Variants in NEGR1 observed in about 807,000 individuals in gnomAD.
NEGR1 encodes the protein IgLON family member 4.
Under a neutral mutation model 40.9 loss-of-function variants are expected in NEGR1, and 10 were observed. That is an observed-to-expected ratio of 0.24 (90% CI 0.15 to 0.42). NEGR1 has a LOEUF of 0.42. Among genes scored for constraint, NEGR1 ranks in the 10% least tolerant of loss-of-function variants. NEGR1 has a pLI of 1.00. For synonymous variants in NEGR1, 185 were observed against 166.8 expected, an observed-to-expected ratio of 1.11 and a Z score of -0.84; for missense variants, 352 against 438.9, an observed-to-expected ratio of 0.80 and a Z score of 1.77.
At chr1:72,102,213 T>C (rs1174439513) in intron 1 of NEGR1, among the ~76,000 whole-genome samples, 1 of 152,090 alleles carries the variant, frequency 6.6e-6, no homozygotes, top group Non-Finnish European at 1.5e-5. Context: ...TTTATTTGTA[T>C]GATGAAAAAA....
intron 6 of NEGR1, among the ~76,000 whole-genome samples, chr1:71,557,415 A>G (rs1334471697): frequency 6.6e-6 from 1 of 151,650 alleles, no homozygotes; most frequent in Non-Finnish European, 1.5e-5. Flanking sequence ...TGTCAACTTT[A>G]GAGTGCTTTG....
chr1:71,614,198 C>T (rs577030501), intron 4 of NEGR1, among the ~76,000 whole-genome samples: 1 of 151,658 alleles, frequency 6.6e-6, no homozygotes, highest in South Asian at 2.1e-4. Flanking sequence ...AAAATGTTTG[C>T]ATGAGAACTG....
At chr1:71,469,911 C>A (rs1646770739) in intron 6 of NEGR1, among the ~76,000 whole-genome samples, 1 of 151,936 alleles carries the variant, frequency 6.6e-6, no homozygotes, top group Non-Finnish European at 1.5e-5. Flanking sequence ...TAATATAACC[C>A]AACAAAGAGC....
intron 3 of NEGR1, among the ~76,000 whole-genome samples, chr1:71,704,625 A>T (rs1653824079): frequency 6.6e-6 from 1 of 151,862 alleles, no homozygotes. Context: ...TAGTATATGC[A>T]ATTGCAAGAA....
At chr1:72,087,956 T>C (rs1476093685) in intron 1 of NEGR1, among the ~76,000 whole-genome samples, 1 of 152,074 alleles carries the variant, frequency 6.6e-6, no homozygotes, top group Non-Finnish European at 1.5e-5. Flanking sequence ...AATGGCACAC[T>C]GAAAAGAAAC....
chr1:71,570,759 C>T (rs1411960701), intron 6 of NEGR1, among the ~76,000 whole-genome samples: 1 of 151,996 alleles, frequency 6.6e-6, no homozygotes, highest in Non-Finnish European at 1.5e-5. Context: ...TAAATTTGTT[C>T]AAACAAGTCA....
chr1:72,217,746 G>T (rs570946403), intron 1 of NEGR1, among the ~76,000 whole-genome samples: 2 of 151,764 alleles, frequency 1.3e-5, no homozygotes, highest in Non-Finnish European at 2.9e-5. Flanking sequence ...CCTAACAGTG[G>T]AAGTAAATGA....
intron 2 of NEGR1, among the ~76,000 whole-genome samples, chr1:71,874,028 C>A (rs1660356541): frequency 6.6e-6 from 1 of 152,154 alleles, no homozygotes; most frequent in Admixed American, 6.6e-5. Context: ...TTGCTATTTT[C>A]TACAAACAGT....
chr1:71,588,570 CA>C lies in NEGR1; in HGVS notation c.940+4246del, dbSNP rs1286268832. Among the ~76,000 whole-genome samples the C allele has an allele frequency of 5.9e-5, 9 of 152,178 alleles. No homozygotes were observed. In the East Asian group the frequency reaches 1.7e-3, roughly 29 times the overall value. On this transcript the variant is annotated intron_variant, in intron 6 of 6. Coordinates refer to ENST00000357731, the MANE Select transcript of NEGR1 (RefSeq NM_173808.3). ...TTTGCTTTCTCTTTATTTTAGAAAA[CA>C]TACATTTTTACCTTAAGTAATTTAA...
chr1:71,842,155 CT>C (rs1467890823), intron 2 of NEGR1, among the ~76,000 whole-genome samples: 6 of 152,056 alleles, frequency 3.9e-5, no homozygotes, highest in Admixed American at 1.3e-4. Context: ...ATATTCTGTC[CT>C]TTTATTTCCT....
At chr1:71,426,838 CT>C in intron 6 of NEGR1, among the ~76,000 whole-genome samples, 1 of 152,160 alleles carries the variant, frequency 6.6e-6, no homozygotes, top group Admixed American at 6.5e-5. Context: ...AAAACATCAC[CT>C]TTTAACTTAT....
intron 1 of NEGR1, among the ~76,000 whole-genome samples, chr1:72,218,933 T>G (rs1274680342): frequency 6.6e-6 from 1 of 152,068 alleles, no homozygotes; most frequent in African/African-American, 2.4e-5. Context: ...TAATGACCAC[T>G]GAATTCACAA....
At chr1:71,688,367 G>GATATATATATATAAAAAATATAAAAA (rs1491505759) in intron 4 of NEGR1, among the ~76,000 whole-genome samples, 1 of 28,222 alleles carries the variant, frequency 3.5e-5, no homozygotes, top group Admixed American at 5.9e-4. Flanking sequence ...ATATATATAT[G>GATATATATATATAAAAAATATAAAAA]AGATATATAC....
intron 6 of NEGR1, among the ~76,000 whole-genome samples, chr1:71,433,134 T>A (rs778617362): frequency 6.6e-5 from 10 of 152,216 alleles, no homozygotes; most frequent in Non-Finnish European, 1.3e-4. Context: ...TTCTGCCATG[T>A]GAGGATACGG....
At chr1:72,233,636 A>C (rs948303754) in intron 1 of NEGR1, among the ~76,000 whole-genome samples, 2 of 152,140 alleles carry the variant, frequency 1.3e-5, no homozygotes, top group African/African-American at 4.8e-5. Flanking sequence ...CATTCTTTTC[A>C]TGGCTACATA....
At chr1:71,504,721 A>C (rs1647021351) in intron 6 of NEGR1, among the ~76,000 whole-genome samples, 1 of 152,148 alleles carries the variant, frequency 6.6e-6, no homozygotes, top group African/African-American at 2.4e-5. Context: ...AAAGTCTCTA[A>C]GGAAAAATGG....
intron 6 of NEGR1, among the ~76,000 whole-genome samples, chr1:71,590,002 T>A (rs1308509132): frequency 6.6e-6 from 1 of 152,112 alleles, no homozygotes; most frequent in Non-Finnish European, 1.5e-5. Flanking sequence ...TCTTCAAATG[T>A]ATTGAATTGT....
chr1:71,886,102 T>C (rs1660715523), intron 2 of NEGR1, among the ~76,000 whole-genome samples: 1 of 152,186 alleles, frequency 6.6e-6, no homozygotes, highest in Non-Finnish European at 1.5e-5. Context: ...GGCTGAACGC[T>C]AATATTTGCA....
chr1:72,005,548 A>T (rs1439909216), intron 1 of NEGR1, among the ~76,000 whole-genome samples: 1 of 152,118 alleles, frequency 6.6e-6, no homozygotes, highest in Non-Finnish European at 1.5e-5. Context: ...ACATATCCAG[A>T]TTTGTATTTA....
Sources: allele counts gnomAD v4.1 joint callset (sites outside exome capture counted in the v4.1 genomes callset), GRCh38; gene constraint gnomAD v4.1.1; transcripts MANE v1.5; gene names NCBI Gene and HGNC (gene_info 2026-07-23, HGNC 2026-07-21).